MSN: variants seen among roughly 807,000 people sequenced by gnomAD.
MSN encodes epididymis luminal protein 70.
Under a neutral mutation model 48.0 loss-of-function variants are expected in MSN, and 2 were observed. The ratio of observed to expected loss-of-function variants is 0.04; its 90% CI spans 0.02 to 0.13. The LOEUF (loss-of-function observed/expected upper bound fraction) is 0.13, where lower values mean the gene tolerates loss of function less well. Among genes scored for constraint, MSN ranks in the 10% least tolerant of loss-of-function variants. MSN has a pLI of 1.00. For synonymous variants in MSN, 146 were observed against 166.9 expected (o/e 0.87, Z 0.97); for missense variants, 267 against 470.1 (o/e 0.57, Z 3.99).
intron 1 of MSN, among the ~76,000 whole-genome samples, chrX:65,712,710 C>T (rs2071426187): frequency 9.0e-6 from 1 of 111,075 alleles, no homozygotes; most frequent in South Asian, 3.8e-4. Context: ...TTTACATTTC[C>T]TCAATATTAC....
chrX:65,636,418 A>G (rs887137784), intron 1 of MSN, among the ~76,000 whole-genome samples: 1 of 111,288 alleles, frequency 9.0e-6, no homozygotes, highest in Non-Finnish European at 1.9e-5. Context: ...ACATGCCTGC[A>G]GGTAGAAATT....
Position 65,655,914 on chromosome X carries a change from C to T in MSN, c.-21-60904C>T, listed in dbSNP as rs60215668. On this transcript the variant is annotated intron_variant, in intron 1 of 3. Transcript: ENST00000609672. ...CCCAAGTAGCTGGGACTACAGGTGC[C>T]TGCCATCATGCCTGGCTAATTTTTG... Among the ~76,000 whole-genome samples the T allele has an allele frequency of 4.6e-3, 507 of 111,270 alleles. 4 individuals are homozygous for T. The highest frequency in any genetic ancestry group is 0.016 in the African/African-American group (487 of 30,628).
At chrX:65,661,194 C>T (rs1602761582) in intron 1 of MSN, among the ~76,000 whole-genome samples, 1 of 111,537 alleles carries the variant, frequency 9.0e-6, no homozygotes, top group African/African-American at 3.3e-5. Context: ...GAACTCCTGA[C>T]CTCAAGTGAT....
intron 1 of MSN, among the ~76,000 whole-genome samples, chrX:65,614,889 A>G (rs1254640068): frequency 7.2e-5 from 5 of 69,468 alleles, no homozygotes; most frequent in Admixed American, 2.2e-4. Flanking sequence ...AGAGTGTGAT[A>G]TTCCCCTTCC....
At position 65,738,591 on chromosome X, in the gene MSN, A is replaced by C; in HGVS notation, c.1318A>C (p.Ser440Arg). 8.3e-7 allele frequency: 1 copy of C among 1,209,110 alleles called. No homozygotes were observed. The highest frequency in any genetic ancestry group is 1.7e-5 in the African/African-American group (1 of 57,710). ...QLEMARQKKE[S>R]EAVEWQQKAQ... ...GGAGATGGCCCGACAGAAGAAGGAG[A>C]GTGAGGCTGTGGAGTGGCAGCAGAA... is the stretch of plus-strand genomic sequence containing the variant. The change falls in exon 11 of 13, where the codon AGT (serine) becomes CGT (arginine). Residue 440 changes from serine (S) to arginine (R), a missense_variant. Transcript: ENST00000360270.
intron 1 of MSN, among the ~76,000 whole-genome samples, chrX:65,648,419 C>T (rs2070711617): frequency 1.8e-5 from 2 of 110,790 alleles, no homozygotes; most frequent in African/African-American, 3.3e-5. Flanking sequence ...CGGGCGTGGT[C>T]GTGGGCGCCT....
At chrX:65,658,824 T>C (rs1247821841) in intron 1 of MSN, among the ~76,000 whole-genome samples, 1 of 111,644 alleles carries the variant, frequency 9.0e-6, no homozygotes, top group Non-Finnish European at 1.9e-5. Context: ...TTTTCTTTTG[T>C]TTTTTTCTTT....
chrX:65,688,268 G>A (rs149441849), intron 1 of MSN, among the ~76,000 whole-genome samples: 1,682 of 112,082 alleles, frequency 0.015, 31 homozygotes, highest in African/African-American at 0.053. Flanking sequence ...AATAGAGACA[G>A]GGTTTCACTG....
At chrX:65,621,368 C>T (rs1011973702) in intron 1 of MSN, among the ~76,000 whole-genome samples, 11 of 112,183 alleles carry the variant, frequency 9.8e-5, no homozygotes, top group Non-Finnish European at 1.7e-4. Context: ...AAAGGCTATT[C>T]TTTCCCCCAG....
At chrX:65,666,836 A>G (rs1038044621), upstream of MSN, among the ~76,000 whole-genome samples, 2 of 111,472 alleles carry the variant, frequency 1.8e-5, no homozygotes, top group African/African-American at 3.3e-5. Flanking sequence ...CTTGACAAGA[A>G]GGAGAAAGGG....
At chrX:65,597,764 G>A (rs925563628) in intron 1 of MSN, among the ~76,000 whole-genome samples, 4 of 112,190 alleles carry the variant, frequency 3.6e-5, no homozygotes, top group Non-Finnish European at 5.6e-5. Context: ...GTGTAATAGT[G>A]AGCTAGTCCT....
intron 1 of MSN, among the ~76,000 whole-genome samples, chrX:65,670,247 C>T (rs1284836235): frequency 8.9e-6 from 1 of 112,008 alleles, no homozygotes; most frequent in Non-Finnish European, 1.9e-5. Flanking sequence ...GAAAAAATTT[C>T]CCTTTCTCTG....
At chrX:65,663,425 C>T (rs2070840121), upstream of MSN, among the ~76,000 whole-genome samples, 1 of 110,594 alleles carries the variant, frequency 9.0e-6, no homozygotes, top group South Asian at 3.8e-4. Context: ...TTACATCAGT[C>T]AGAATGACTA....
In MSN at chrX:65,630,582, C is replaced by T. The variant is rs73629464; in HGVS notation, c.-22+41970C>T. Among the ~76,000 whole-genome samples, 955 of 110,783 alleles carry T rather than the reference C, an allele frequency of 8.6e-3. 11 individuals are homozygous for T. Among genetic ancestry groups the T allele is most frequent in the African/African-American group, 0.029 (891 of 30,451 alleles). On this transcript the variant is annotated intron_variant, in intron 1 of 3. Coordinates refer to the MSN transcript ENST00000609672. ...CCAGCCTGGGTGACAGAATGAGACC[C>T]TGCCTCAAAAACAAAACAAAACAAG...
chrX:65,692,108 G>C (rs1206385363), intron 1 of MSN, among the ~76,000 whole-genome samples: 1 of 112,478 alleles, frequency 8.9e-6, no homozygotes, highest in Non-Finnish European at 1.9e-5. Flanking sequence ...AATAGGGAGA[G>C]AAGCAAGGCA....
intron 2 of MSN, among the ~76,000 whole-genome samples, chrX:65,720,524 T>A (rs2071506614): frequency 8.9e-6 from 1 of 112,098 alleles, no homozygotes; most frequent in African/African-American, 3.2e-5. Context: ...AGGTCAGGAA[T>A]CAGTAGAGTT....
At chrX:65,664,752 C>CTTT (rs1406578094), upstream of MSN, among the ~76,000 whole-genome samples, 1 of 94,008 alleles carries the variant, frequency 1.1e-5, no homozygotes, top group Non-Finnish European at 2.1e-5. Flanking sequence ...TGCCCCCTTT[C>CTTT]TTTTTTTTTT....
At position 65,714,023 on chromosome X, in the gene MSN, G is replaced by A. The variant is rs1324541199; in HGVS notation, c.13-2795G>A. ...TTGAACTCCTGGCCTCAAGGGATGC[G>A]TCCATCTTGGCCTCCCAAAGTGCTG... On this transcript the variant is annotated intron_variant, in intron 1 of 12. Coordinates refer to ENST00000360270, the MANE Select transcript of MSN (RefSeq NM_002444.3). Among the ~76,000 whole-genome samples the A allele has an allele frequency of 6.3e-5, 7 of 111,285 alleles. No individual in the cohort carries two copies. The East Asian group carries it at 8.4e-4, about 13-fold the overall frequency.
At chrX:65,696,252 C>T (rs921467029) in intron 1 of MSN, among the ~76,000 whole-genome samples, 1 of 110,857 alleles carries the variant, frequency 9.0e-6, no homozygotes, top group Admixed American at 9.6e-5. Context: ...CACACACACA[C>T]GAATTATTTC....
Sources: gnomAD v4.1 joint callset for allele counts (sites outside exome capture counted in the v4.1 genomes callset) on GRCh38, gnomAD v4.1.1 for gene constraint, MANE v1.5 for transcripts, NCBI Gene and HGNC (gene_info 2026-07-23, HGNC 2026-07-21) for gene names.